Variants in ANO10 observed in about 807,000 individuals in gnomAD.
ANO10 encodes anoctamin-10.
In ANO10, 77 loss-of-function variants were observed where a neutral mutation model predicts 74.7. The ratio of observed to expected loss-of-function variants is 1.03; its 90% CI spans 0.86 to 1.25. ANO10 has a LOEUF of 1.25. Ranked by LOEUF, ANO10 falls within the 50% of genes most tolerant of loss-of-function variation. The pLI, the probability that ANO10 is intolerant of heterozygous loss-of-function variation, is 0.00. For synonymous variants in ANO10, 279 were observed against 284.9 expected (o/e 0.98, Z 0.21); for missense variants, 721 against 778.1 (o/e 0.93, Z 0.87).
intron 11 of ANO10, among the ~76,000 whole-genome samples, chr3:43,544,231 C>A (rs535615251): frequency 5.3e-5 from 8 of 151,854 alleles, no homozygotes; most frequent in Admixed American, 5.3e-4. Flanking sequence ...TTTATGACAC[C>A]GCCAGTATTT....
intron 11 of ANO10, among the ~76,000 whole-genome samples, chr3:43,491,940 G>T (rs550496215): frequency 6.6e-6 from 1 of 152,140 alleles, no homozygotes; most frequent in East Asian, 1.9e-4. Flanking sequence ...GGCCAAATAG[G>T]AACAGCTCCG....
intron 11 of ANO10, among the ~76,000 whole-genome samples, chr3:43,494,191 C>T (rs559174382): frequency 5.9e-5 from 9 of 152,270 alleles, no homozygotes; most frequent in South Asian, 2.1e-4. Flanking sequence ...TGGTGGCTCA[C>T]GCCTGTAATC....
At chr3:43,389,575 C>T (rs922389561) in intron 12 of ANO10, among the ~76,000 whole-genome samples, 14 of 152,124 alleles carry the variant, frequency 9.2e-5, no homozygotes, top group African/African-American at 3.4e-4. Context: ...AATAAATAAC[C>T]ATGCAACTGT....
chr3:43,435,510 G>GAA (rs1224221805), intron 11 of ANO10, among the ~76,000 whole-genome samples: 8,061 of 119,954 alleles, frequency 0.067, 313 homozygotes, highest in Non-Finnish European at 0.092. Context: ...CTCCATCTCA[G>GAA]AAAAAAAAAA....
At chr3:43,643,172 C>T (rs2083688592) in intron 1 of ANO10, among the ~76,000 whole-genome samples, 1 of 151,788 alleles carries the variant, frequency 6.6e-6, no homozygotes, top group African/African-American at 2.4e-5. Flanking sequence ...GCTGGGACTA[C>T]AGGCACCCGC....
chr3:43,403,486 G>A (rs1034093206), intron 12 of ANO10, among the ~76,000 whole-genome samples: 12 of 152,296 alleles, frequency 7.9e-5, no homozygotes, highest in Non-Finnish European at 1.3e-4. Flanking sequence ...AGAGCTCAGG[G>A]CAGCAGGAGA....
chr3:43,457,899 T>C (rs1392545620), intron 11 of ANO10, among the ~76,000 whole-genome samples: 3 of 152,134 alleles, frequency 2.0e-5, no homozygotes, highest in Non-Finnish European at 4.4e-5. Context: ...GAGGAGCTTG[T>C]AGTCTGATCA....
At chr3:43,618,373 A>C (rs181094630) in intron 1 of ANO10, among the ~76,000 whole-genome samples, 38 of 152,324 alleles carry the variant, frequency 2.5e-4, no homozygotes, top group Admixed American at 1.2e-3. Context: ...AGCACCAGTG[A>C]GGAAAACAAG....
intron 12 of ANO10, among the ~76,000 whole-genome samples, chr3:43,399,589 T>C (rs576993740): frequency 1.3e-5 from 2 of 152,144 alleles, no homozygotes; most frequent in Non-Finnish European, 2.9e-5. Flanking sequence ...TGAAAATGAG[T>C]AGCTTCCAGA....
intron 12 of ANO10, among the ~76,000 whole-genome samples, chr3:43,388,247 T>C (rs2092181527): frequency 6.6e-6 from 1 of 152,162 alleles, no homozygotes; most frequent in Non-Finnish European, 1.5e-5. Flanking sequence ...AGGAGAGAGC[T>C]GGCCTGTGGT....
chr3:43,566,695 T>G (rs899892276), intron 7 of ANO10, among the ~76,000 whole-genome samples: 2 of 152,074 alleles, frequency 1.3e-5, no homozygotes, highest in Admixed American at 1.3e-4. Flanking sequence ...TACATCACCA[T>G]CATCAAAGAC....
intron 11 of ANO10, among the ~76,000 whole-genome samples, chr3:43,511,676 C>G (rs1305643792): frequency 6.6e-6 from 1 of 152,096 alleles, no homozygotes; most frequent in Admixed American, 6.5e-5. Flanking sequence ...GCCCTGCTAC[C>G]TAAGAGGATC....
intron 6 of ANO10, among the ~76,000 whole-genome samples, chr3:43,575,163 A>G (rs1039074902): frequency 6.6e-6 from 1 of 152,240 alleles, no homozygotes; most frequent in Non-Finnish European, 1.5e-5. Context: ...GACCCTGTAT[A>G]AGAAGTAATA....
chr3:43,627,579 AG>A (rs2083504330), intron 1 of ANO10, among the ~76,000 whole-genome samples: 1 of 152,264 alleles, frequency 6.6e-6, no homozygotes, highest in South Asian at 2.1e-4. Context: ...TATTCAGGGG[AG>A]GTGTCCAAAG....
chr3:43,459,977 T>C (rs1355573803), intron 11 of ANO10, among the ~76,000 whole-genome samples: 1 of 152,190 alleles, frequency 6.6e-6, no homozygotes, highest in Non-Finnish European at 1.5e-5. Flanking sequence ...AAAAGAATGC[T>C]ATGCATTGGT....
At chr3:43,378,102 A>T (rs2091861073) in intron 12 of ANO10, among the ~76,000 whole-genome samples, 1 of 152,244 alleles carries the variant, frequency 6.6e-6, no homozygotes. Context: ...AATGCAGGAG[A>T]CAGTCCACTG....
chr3:43,640,985 C>G (rs57618353), intron 1 of ANO10, among the ~76,000 whole-genome samples: 8,465 of 152,266 alleles, frequency 0.056, 751 homozygotes, highest in African/African-American at 0.19. Flanking sequence ...CGCTAGCATA[C>G]ACGCAGGCTG....
intron 1 of ANO10, among the ~76,000 whole-genome samples, chr3:43,673,720 C>T (rs1333006153): frequency 6.6e-6 from 1 of 152,086 alleles, no homozygotes; most frequent in Non-Finnish European, 1.5e-5. Flanking sequence ...CATGGCTCTT[C>T]TATTGTATTA....
At chr3:43,505,647 T>C (rs1276919453) in intron 11 of ANO10, among the ~76,000 whole-genome samples, 1 of 152,214 alleles carries the variant, frequency 6.6e-6, no homozygotes, top group African/African-American at 2.4e-5. Flanking sequence ...AACACTGTCA[T>C]TTTGTGATAG....
Sources: gnomAD v4.1 joint callset for allele counts (sites outside exome capture counted in the v4.1 genomes callset) on GRCh38, gnomAD v4.1.1 for gene constraint, MANE v1.5 for transcripts, NCBI Gene and HGNC (gene_info 2026-07-23, HGNC 2026-07-21) for gene names.